Variants in LRP4 observed in about 807,000 individuals in gnomAD.
LRP4 encodes low-density lipoprotein receptor-related protein 4.
Under a neutral mutation model 220.3 loss-of-function variants are expected in LRP4, and 95 were observed. The ratio of observed to expected loss-of-function variants is 0.43; its 90% CI spans 0.37 to 0.51. The LOEUF is 0.51. Among genes scored for constraint, LRP4 ranks in the 20% least tolerant of loss-of-function variants. The pLI, the probability that LRP4 is intolerant of heterozygous loss-of-function variation, is 0.00. For missense variants in LRP4, 1,925 were observed against 2,567.0 expected (o/e 0.75, Z 5.40); for synonymous variants, 903 against 954.6 (o/e 0.95, Z 1.00).
At chr11:46,881,344 C>T (rs1941154973) in intron 20 of LRP4, among the ~76,000 whole-genome samples, 1 of 152,058 alleles carries the variant, frequency 6.6e-6, no homozygotes, top group African/African-American at 2.4e-5. Context: ...TGAAATTATA[C>T]CAAAACAAAA....
At position 46,889,740 on chromosome 11, in the gene LRP4, G is replaced by A. The variant is rs35962543; in HGVS notation, c.2092+204C>T. On this transcript the variant is annotated intron_variant, in intron 15 of 37. Transcript: ENST00000378623. Reference sequence around the variant, plus strand: ...ATGTCTGCCTGAATTAGATGGGAACGGTGAAGTCTAATGAATCTTTTCGTG... The same window carrying A: ...ATGTCTGCCTGAATTAGATGGGAACAGTGAAGTCTAATGAATCTTTTCGTG... The A allele has an allele frequency of 1.5e-3, 1,262 of 835,006 alleles. 4 individuals are homozygous for A. The highest frequency in any genetic ancestry group is 2.2e-3 in the Non-Finnish European group (1,144 of 517,936). 51.7% of individuals were successfully genotyped at this position (835,006 alleles called of 1,614,324 possible).
rs547886065 is a variant in LRP4 at position 46,880,492 on chromosome 11, T to G, written c.2815-1177A>C. On this transcript the variant is annotated intron_variant, in intron 20 of 37. Transcript: ENST00000378623. ...TCAAACCCGTAGGCTCCTGAGTAGC[T>G]AGGGTGCAGTAGTAGGTGCCTGTGG... Among the ~76,000 whole-genome samples the G allele has an allele frequency of 3.3e-5, 5 of 151,886 alleles. No individual in the cohort carries two copies. The South Asian group carries it at 1.0e-3, about 32-fold the overall frequency.
chr11:46,903,139 C>T (rs1845839244), intron 1 of LRP4, among the ~76,000 whole-genome samples: 1 of 152,148 alleles, frequency 6.6e-6, no homozygotes, highest in South Asian at 2.1e-4. Context: ...TACAAAGAGT[C>T]CAGGTGACCC....
rs184770028 is a variant in LRP4, at chr11:46,914,209, C to T, written c.52+4119G>A. 8.6e-5 allele frequency among the ~76,000 whole-genome samples: 13 copies of T among 150,784 alleles called. No individual in the cohort carries two copies. The East Asian group carries it at 9.6e-4, about 11-fold the overall frequency. ...TTACTACTTCCCTTCCCCTACCCTA[C>T]CCGCCTTTGCAGGTAACAACCCTGA... On this transcript the variant is annotated intron_variant, in intron 1 of 37. Coordinates refer to ENST00000378623, the MANE Select transcript of LRP4 (RefSeq NM_002334.4).
chr11:46,884,606 G>A (rs906189425), intron 18 of LRP4, among the ~76,000 whole-genome samples: 6 of 151,930 alleles, frequency 3.9e-5, no homozygotes, highest in Admixed American at 3.3e-4. Context: ...GCGTCGTGGC[G>A]GGCACCTGTA....
chr11:46,863,779 A>T (rs1029488142), intron 36 of LRP4, among the ~76,000 whole-genome samples: 14 of 151,538 alleles, frequency 9.2e-5, no homozygotes, highest in Non-Finnish European at 1.9e-4. Flanking sequence ...GACAAAAATT[A>T]AAAAAAATAA....
intron 1 of LRP4, among the ~76,000 whole-genome samples, chr11:46,915,812 C>G (rs1046311096): frequency 2.6e-5 from 4 of 152,168 alleles, no homozygotes; most frequent in African/African-American, 9.6e-5. Context: ...CCAAAATCAC[C>G]TTAAACTTTA....
At chr11:46,869,223 G>T in intron 31 of LRP4, 91 bp from the exon 32 acceptor site, 1 of 1,249,638 alleles carries the variant, frequency 8.0e-7, no homozygotes, top group Non-Finnish European at 1.1e-6. Flanking sequence ...ATGTGCCACT[G>T]CCTCTGCTGA....
intron 7 of LRP4, 24 bp downstream of exon 7, chr11:46,898,534 A>G (rs543917486): frequency 5.0e-6 from 8 of 1,613,804 alleles, no homozygotes; most frequent in East Asian, 2.2e-5. Context: ...TTCAAGCCCA[A>G]CCTAATTCCA....
Position 46,886,477 on chromosome 11 carries a change from C to G in LRP4, c.2272G>C (p.Asp758His), listed in dbSNP as rs1189978589. The change falls in exon 17 of 38, where the codon GAC (aspartate) becomes CAC (histidine). Residue 758 changes from aspartate to histidine, a missense_variant. This residue lies in a region of LRP4 where 1,244 missense variants were observed against 1,624.9 expected (regional missense o/e 0.77). Transcript: ENST00000378623. Reference sequence around the variant, plus strand: ...ACATCATCAGACAGGTCCTCTGTGTCAAAGCTGATTCGACGGATGTCCATC... The same window carrying G: ...ACATCATCAGACAGGTCCTCTGTGTGAAAGCTGATTCGACGGATGTCCATC... ...RRMDIRRISF[D>H]TEDLSDDVIP... 6.2e-7 allele frequency: 1 copy of G among 1,614,148 alleles called. No individual in the cohort carries two copies. Among genetic ancestry groups the G allele is most frequent in the Non-Finnish European group, 8.5e-7 (1 of 1,180,034 alleles).
intron 20 of LRP4, among the ~76,000 whole-genome samples, chr11:46,880,411 GACAACAAAGTGAGACC>G (rs1941125887): frequency 6.6e-6 from 1 of 150,506 alleles, no homozygotes; most frequent in Non-Finnish European, 1.5e-5. Context: ...GACTAGCCTA[GACAACAAAGTGAGACC>G]CCCATCTCTA....
chr11:46,859,030 T>C lies in LRP4; in HGVS notation c.5671A>G (p.Thr1891Ala). 6.2e-7 allele frequency: 1 copy of C among 1,614,156 alleles called. No homozygotes were observed. Among genetic ancestry groups the C allele is most frequent in the Non-Finnish European group, 8.5e-7 (1 of 1,180,018 alleles). The change falls in exon 38 of 38, where the codon ACG (threonine) becomes GCG (alanine). Residue 1891 changes from threonine (T) to alanine (A), a missense_variant. Around this residue, in one of 3 missense-constraint regions of LRP4, gnomAD observed 1,244 missense variants for 1,624.9 expected, o/e 0.77. Coordinates refer to ENST00000378623, the MANE Select transcript of LRP4 (RefSeq NM_002334.4). ...AGCTTGCGTTCATGTTTCCAGCCCGTGTCTGGCAGAGAGCCTCGTCTTTCT... is the reference window on the plus strand; with the variant it reads ...AGCTTGCGTTCATGTTTCCAGCCCGCGTCTGGCAGAGAGCCTCGTCTTTCT... ...TPERRGSLPD[T>A]GWKHERKLSS...
At position 46,918,163 on chromosome 11, in the gene LRP4, G is replaced by A. The variant is rs937926288; in HGVS notation, c.52+165C>T. Among the ~76,000 whole-genome samples the A allele has an allele frequency of 6.6e-6, 1 of 151,800 alleles. No homozygotes were observed. Among genetic ancestry groups the A allele is most frequent in the African/African-American group, 2.4e-5 (1 of 41,340 alleles). The stretch of plus-strand genomic sequence containing the variant: ...GCTGATGCCCCCGCTCGGACTGCTG[G>A]AGCCGGGGCCGCTCCGGGTCCTCTC... On this transcript the variant is annotated intron_variant, in intron 1 of 37. Transcript: ENST00000378623. The surrounding 1 kb of genome is among the most constrained non-coding windows in gnomAD (Gnocchi z 6.0).
rs73460019 is a variant in LRP4 at position 46,917,963 on chromosome 11, G to C, written c.52+365C>G. On this transcript the variant is annotated intron_variant, in intron 1 of 37. Coordinates refer to ENST00000378623, the MANE Select transcript of LRP4 (RefSeq NM_002334.4). Reference sequence around the variant, plus strand: ...CCTCCTCACCCGCCTCCCTTTCTTCGCACGCATTCATTCGCACCAAGGACA... The same window carrying C: ...CCTCCTCACCCGCCTCCCTTTCTTCCCACGCATTCATTCGCACCAAGGACA... Among the ~76,000 whole-genome samples, 179 of 152,236 alleles carry C rather than the reference G, an allele frequency of 1.2e-3. 1 individual carries two copies. Among genetic ancestry groups the C allele is most frequent in the African/African-American group, 4.1e-3 (170 of 41,542 alleles).
Position 46,873,263 on chromosome 11 carries a change from A to G in LRP4, c.4449-29T>C. The G allele has an allele frequency of 3.7e-6, 6 of 1,614,158 alleles. No individual in the cohort carries two copies. Among genetic ancestry groups the G allele is most frequent in the Non-Finnish European group, 5.1e-6 (6 of 1,180,010 alleles). On this transcript the variant is annotated intron_variant, in intron 29 of 37. Coordinates refer to ENST00000378623, the MANE Select transcript of LRP4 (RefSeq NM_002334.4). This position sits in a 1 kb window ranked among gnomAD's most constrained non-coding sequence, Gnocchi z 4.2. ...AGACACAACAGTGCCATCATCATCA[A>G]GGCATGGGAAGACAGCACCCAGAGG... is the stretch of plus-strand genomic sequence containing the variant.
intron 20 of LRP4, among the ~76,000 whole-genome samples, chr11:46,880,101 G>C (rs746919204): frequency 6.6e-6 from 1 of 152,058 alleles, no homozygotes; most frequent in Non-Finnish European, 1.5e-5. Flanking sequence ...CAAGACTCTT[G>C]TCTCAAAACA....
intron 16 of LRP4, among the ~76,000 whole-genome samples, chr11:46,888,349 T>C (rs1941343402): frequency 6.7e-6 from 1 of 149,326 alleles, no homozygotes; most frequent in South Asian, 2.1e-4. Context: ...AGGTCAGGAG[T>C]TCGAGACCAG....
chr11:46,860,561 T>C (rs932977273), intron 37 of LRP4, among the ~76,000 whole-genome samples: 5 of 152,214 alleles, frequency 3.3e-5, no homozygotes, highest in Admixed American at 6.5e-5. Context: ...ATAGTATTCC[T>C]GCCAAGAGTT....
intron 36 of LRP4, among the ~76,000 whole-genome samples, chr11:46,863,974 A>AT (rs968921694): frequency 6.6e-6 from 1 of 152,238 alleles, no homozygotes; most frequent in Non-Finnish European, 1.5e-5. Context: ...AAAGAGGGAC[A>AT]TAAAAAGATT....
Sources: gnomAD v4.1 joint callset for allele counts (sites outside exome capture counted in the v4.1 genomes callset) on GRCh38, gnomAD v4.1.1 for gene constraint, gnomAD v4.1.1 regional missense constraint, Gnocchi (gnomAD v3.1) non-coding constraint, MANE v1.5 for transcripts, NCBI Gene and HGNC (gene_info 2026-07-23, HGNC 2026-07-21) for gene names.